Variants in IL23R observed in about 807,000 individuals in gnomAD.
IL23R encodes the protein interleukin 23 receptor, also known as interleukin-23 receptor.
IL23R carries 34 observed loss-of-function variants against 56.9 expected under a neutral mutation model. The ratio of observed to expected loss-of-function variants is 0.60; its 90% CI spans 0.45 to 0.80. The LOEUF (loss-of-function observed/expected upper bound fraction) is 0.80. Ranked by LOEUF, IL23R falls within the 30% of genes least tolerant of loss-of-function variation. The pLI is 0.00. For missense variants in IL23R, 635 were observed against 730.0 expected (o/e 0.87, Z 1.50); for synonymous variants, 230 against 249.2 (o/e 0.92, Z 0.73).
chr1:67,196,626 A>G (rs1648175389), intron 4 of IL23R, among the ~76,000 whole-genome samples: 1 of 152,168 alleles, frequency 6.6e-6, no homozygotes, highest in African/African-American at 2.4e-5. Flanking sequence ...CTAAAGTAGT[A>G]TATCTATATC....
chr1:67,255,214 A>C (rs1286705448), intron 9 of IL23R, among the ~76,000 whole-genome samples: 3 of 152,198 alleles, frequency 2.0e-5, no homozygotes, highest in Non-Finnish European at 4.4e-5. Context: ...TCTTCTGGTT[A>C]TGAGAGTTTG....
chr1:67,248,819 G>A (rs1041118478), intron 9 of IL23R, among the ~76,000 whole-genome samples: 2 of 152,164 alleles, frequency 1.3e-5, no homozygotes, highest in African/African-American at 4.8e-5. Flanking sequence ...CTCCTGATCT[G>A]CTGGTTGTGA....
intron 9 of IL23R, among the ~76,000 whole-genome samples, chr1:67,255,153 G>A (rs574750278): frequency 6.6e-6 from 1 of 152,274 alleles, no homozygotes; most frequent in East Asian, 1.9e-4. Flanking sequence ...GGTCACCTTG[G>A]AAAGTTCTAC....
chr1:67,244,359 T>C (rs1480197858), intron 9 of IL23R, among the ~76,000 whole-genome samples: 1 of 152,212 alleles, frequency 6.6e-6, no homozygotes, highest in South Asian at 2.1e-4. Flanking sequence ...CCATTGTTTT[T>C]AGTGTTTTCA....
At chr1:67,199,848 A>T (rs1003571217) in intron 4 of IL23R, among the ~76,000 whole-genome samples, 1 of 151,994 alleles carries the variant, frequency 6.6e-6, no homozygotes, top group Non-Finnish European at 1.5e-5. Flanking sequence ...ATTTTTCAGT[A>T]AAAGGTTGCA....
At chr1:67,255,203 A>G (rs1043211302) in intron 9 of IL23R, among the ~76,000 whole-genome samples, 2 of 152,194 alleles carry the variant, frequency 1.3e-5, no homozygotes, top group African/African-American at 2.4e-5. Context: ...CCACATGGGA[A>G]TCTTCTGGTT....
chr1:67,200,334 T>C (rs1398133224), intron 4 of IL23R, among the ~76,000 whole-genome samples: 1 of 151,960 alleles, frequency 6.6e-6, no homozygotes, highest in African/African-American at 2.4e-5. Flanking sequence ...GAGCCATAAA[T>C]TCTAATTTTT....
chr1:67,178,871 C>A (rs1034667733), intron 3 of IL23R, among the ~76,000 whole-genome samples: 1 of 152,140 alleles, frequency 6.6e-6, no homozygotes, highest in East Asian at 1.9e-4. Context: ...GCTATTGAGA[C>A]AATCATGTGG....
intron 7 of IL23R, among the ~76,000 whole-genome samples, chr1:67,224,043 C>T (rs1174163714): frequency 6.6e-6 from 1 of 152,182 alleles, no homozygotes; most frequent in African/African-American, 2.4e-5. Flanking sequence ...ACAAAATACT[C>T]ATTTAGCCTC....
chr1:67,259,097 A>G lies in IL23R; in HGVS notation c.1859A>G (p.His620Arg), dbSNP rs200641667. The change falls in exon 11 of 11, where the codon CAC becomes CGC. Residue 620 changes from histidine (H) to arginine (R), a missense_variant. Coordinates refer to ENST00000347310, the MANE Select transcript of IL23R (RefSeq NM_144701.3). ...TTTCCACAAAATATTTTGGAAAGCC[A>G]CTTCAATAGGATTTCACTCTTGGAA... ...TYFPQNILES[H>R]FNRISLLEK 6 of 1,613,904 alleles carry G rather than the reference A, an allele frequency of 3.7e-6. No individual in the cohort carries two copies. Among genetic ancestry groups the G allele is most frequent in the South Asian group, 1.1e-5 (1 of 91,072 alleles).
intron 1 of IL23R, among the ~76,000 whole-genome samples, chr1:67,145,410 A>C (rs1646670907): frequency 6.6e-6 from 1 of 152,134 alleles, no homozygotes; most frequent in African/African-American, 2.4e-5. Context: ...AATACTTAAC[A>C]CTAAGTATGA....
chr1:67,236,094 C>T (rs958821260), intron 7 of IL23R, among the ~76,000 whole-genome samples: 7 of 152,334 alleles, frequency 4.6e-5, no homozygotes, highest in African/African-American at 1.7e-4. Flanking sequence ...TTGCTCACCC[C>T]ACCCTGGTCA....
At position 67,236,750 on chromosome 1, in the gene IL23R, A is replaced by G; in HGVS notation, c.993A>G (p.Thr331=). The change falls in exon 8 of 11, where the codon ACA becomes ACG. Residue 331 remains threonine, a synonymous_variant. Coordinates refer to ENST00000347310, the MANE Select transcript of IL23R (RefSeq NM_144701.3). Reference sequence around the variant, plus strand: ...CATCAAAAGCATTCCAACATGACACATGGAATTCTGGGCTAACAGTTGCTT... The same window carrying G: ...CATCAAAAGCATTCCAACATGACACGTGGAATTCTGGGCTAACAGTTGCTT... The part of the protein sequence containing the change: ...QVTSKAFQHD[T]WNSGLTVASI... 2 of 1,613,660 alleles carry G rather than the reference A, an allele frequency of 1.2e-6. No individual in the cohort carries two copies. The highest frequency in any genetic ancestry group is 8.5e-7 in the Non-Finnish European group (1 of 1,179,556).
At chr1:67,165,497 C>T (rs577941468), upstream of IL23R, among the ~76,000 whole-genome samples, 1 of 152,282 alleles carries the variant, frequency 6.6e-6, no homozygotes, top group East Asian at 1.9e-4. Context: ...AAATCAGCAC[C>T]ATGAGAGATA....
At chr1:67,154,015 G>A (rs1481021146) in intron 1 of IL23R, among the ~76,000 whole-genome samples, 1 of 152,102 alleles carries the variant, frequency 6.6e-6, no homozygotes, top group African/African-American at 2.4e-5. Context: ...TGATCTGCCC[G>A]CTTCGTTCTC....
At chr1:67,164,957 C>T (rs755865574), upstream of IL23R, among the ~76,000 whole-genome samples, 4 of 152,088 alleles carry the variant, frequency 2.6e-5, no homozygotes, top group Non-Finnish European at 5.9e-5. Context: ...CCTGTAATCC[C>T]AGGACTTTGG....
At chr1:67,180,373 A>G (rs1570797674) in intron 3 of IL23R, among the ~76,000 whole-genome samples, 2 of 152,020 alleles carry the variant, frequency 1.3e-5, no homozygotes, top group East Asian at 1.9e-4. Context: ...CCATTATGTA[A>G]TGGCCTTTTT....
At chr1:67,263,562 G>A (rs939062319), downstream of IL23R, among the ~76,000 whole-genome samples, 5 of 152,082 alleles carry the variant, frequency 3.3e-5, no homozygotes, top group Non-Finnish European at 5.9e-5. Context: ...CATGACTATG[G>A]CATTGAGCAA....
At chr1:67,191,854 A>G (rs534742155) in intron 4 of IL23R, among the ~76,000 whole-genome samples, 5 of 151,594 alleles carry the variant, frequency 3.3e-5, no homozygotes, top group Non-Finnish European at 7.4e-5. Context: ...CCAGGACAGG[A>G]CTCCCTTTTG....
Sources: gnomAD v4.1 joint callset for allele counts (sites outside exome capture counted in the v4.1 genomes callset) on GRCh38, gnomAD v4.1.1 for gene constraint, MANE v1.5 for transcripts, NCBI Gene and HGNC (gene_info 2026-07-23, HGNC 2026-07-21) for gene names.